PHF14: variants seen among roughly 807,000 people sequenced by gnomAD.
PHF14 encodes PHD finger protein 14.
Under a neutral mutation model 117.9 loss-of-function variants are expected in PHF14, and 55 were observed. That is an observed-to-expected ratio of 0.47 (90% confidence interval 0.38 to 0.58). PHF14 has a LOEUF of 0.58. PHF14 is among the 20% of genes least tolerant of loss of function. The pLI is 0.00. For synonymous variants in PHF14, 409 were observed against 368.6 expected, an observed-to-expected ratio of 1.11 and a Z score of -1.26; for missense variants, 978 against 1,122.2, an observed-to-expected ratio of 0.87 and a Z score of 1.84.
chr7:11,165,574 G>A (rs1341074423), intron 17 of PHF14, among the ~76,000 whole-genome samples: 1 of 152,100 alleles, frequency 6.6e-6, no homozygotes, highest in Non-Finnish European at 1.5e-5. Flanking sequence ...GGTAAACAAA[G>A]TTATCTGTAC....
At chr7:11,113,194 T>G (rs1194557500) in intron 17 of PHF14, among the ~76,000 whole-genome samples, 1 of 152,098 alleles carries the variant, frequency 6.6e-6, no homozygotes, top group Non-Finnish European at 1.5e-5. Flanking sequence ...TCAATAATAC[T>G]ATAAATATGT....
chr7:11,043,411 G>T (rs936402150), intron 13 of PHF14, among the ~76,000 whole-genome samples: 1 of 151,874 alleles, frequency 6.6e-6, no homozygotes, highest in African/African-American at 2.4e-5. Context: ...GATTTTAATA[G>T]AATGATTTCT....
intron 16 of PHF14, among the ~76,000 whole-genome samples, chr7:11,075,580 T>TG (rs1785812054): frequency 4.7e-5 from 7 of 148,804 alleles, no homozygotes; most frequent in African/African-American, 1.7e-4. Context: ...TTTTTTTTTT[T>TG]TTTTTTTTTT....
chr7:11,010,818 C>G (rs1380091573), intron 4 of PHF14, among the ~76,000 whole-genome samples: 2 of 151,976 alleles, frequency 1.3e-5, no homozygotes, highest in Admixed American at 1.3e-4. Flanking sequence ...CTTGGCTAAA[C>G]TCTTTTTTGT....
chr7:11,025,750 G>T (rs896665577), intron 6 of PHF14, among the ~76,000 whole-genome samples: 1 of 152,004 alleles, frequency 6.6e-6, no homozygotes, highest in African/African-American at 2.4e-5. Context: ...AGCCGAGATC[G>T]TGCCATTGCC....
At chr7:10,995,275 C>T (rs1358256709) in intron 4 of PHF14, among the ~76,000 whole-genome samples, 1 of 152,000 alleles carries the variant, frequency 6.6e-6, no homozygotes, top group Non-Finnish European at 1.5e-5. Context: ...AATCCCTTAG[C>T]TAGACATAAA....
At position 10,982,799 on chromosome 7, in the gene PHF14, A is replaced by C. The variant is rs562014939; in HGVS notation, c.540A>C (p.Pro180=). Residue 180 remains proline (P), a synonymous_variant, in exon 3 of 18, where the codon CCA becomes CCC. Coordinates refer to ENST00000634607, the MANE Select transcript of PHF14 (RefSeq NM_001007157.2). ...CTACAGAGGAACAAGTCAGCGAGCC[A>C]AAAAAATGGAACCTTCGACGAAACC... ...TTATEEQVSE[P]KKWNLRRNRP... 1 of 1,613,720 alleles carries C rather than the reference A, an allele frequency of 6.2e-7. No homozygotes were observed. The highest frequency in any genetic ancestry group is 8.5e-7 in the Non-Finnish European group (1 of 1,179,708).
intron 16 of PHF14, chr7:11,105,783 G>A: frequency 1.0e-6 from 1 of 984,286 alleles, no homozygotes; most frequent in Non-Finnish European, 1.2e-6. Context: ...TGCTGTTCAG[G>A]TACATAAGAT....
At chr7:11,029,825 T>G (rs1321725608) in intron 7 of PHF14, among the ~76,000 whole-genome samples, 1 of 152,138 alleles carries the variant, frequency 6.6e-6, no homozygotes, top group Non-Finnish European at 1.5e-5. Context: ...ATGATGGCTT[T>G]ATGGTAATAG....
intron 3 of PHF14, among the ~76,000 whole-genome samples, chr7:10,983,940 T>C (rs1562561078): frequency 6.6e-6 from 1 of 152,152 alleles, no homozygotes; most frequent in African/African-American, 2.4e-5. Flanking sequence ...TTGTGTCTCT[T>C]TGTCTGTGTG....
chr7:11,042,209 T>G (rs2128323933), intron 12 of PHF14, among the ~76,000 whole-genome samples: 1 of 152,110 alleles, frequency 6.6e-6, no homozygotes, highest in South Asian at 2.1e-4. Context: ...TATATCTACA[T>G]GTTGAAGACT....
chr7:11,165,068 G>T (rs537219451), intron 17 of PHF14, among the ~76,000 whole-genome samples: 1 of 152,242 alleles, frequency 6.6e-6, no homozygotes, highest in Admixed American at 6.5e-5. Flanking sequence ...GGGACTATAG[G>T]CGCCCGCCAC....
intron 16 of PHF14, 77 bp downstream of exon 16, chr7:11,062,162 A>G (rs1018292461): frequency 1.2e-4 from 143 of 1,236,592 alleles, no homozygotes; most frequent in Non-Finnish European, 1.5e-4. Flanking sequence ...AAAAATGAAA[A>G]AACAATTGCA....
rs570461490 is a variant in PHF14, at chr7:11,047,567, G to A, written c.2313-4045G>A. On this transcript the variant is annotated intron_variant, in intron 13 of 17. Coordinates refer to ENST00000634607, the MANE Select transcript of PHF14 (RefSeq NM_001007157.2). The stretch of plus-strand genomic sequence containing the variant: ...TCCCAGCACTTTGGGAGGCTGAGGC[G>A]GGCGGATCACTTGAGGTCAGGAGTT... 3.3e-5 allele frequency among the ~76,000 whole-genome samples: 5 copies of A among 150,390 alleles called. No individual in the cohort carries two copies. The East Asian group carries it at 1.0e-3, about 31-fold the overall frequency.
At chr7:11,113,528 T>A (rs916708010) in intron 17 of PHF14, among the ~76,000 whole-genome samples, 2 of 152,218 alleles carry the variant, frequency 1.3e-5, no homozygotes, top group African/African-American at 4.8e-5. Flanking sequence ...AATATTGGAA[T>A]GTCACAGCAG....
Position 11,130,094 on chromosome 7 carries a change from T to C in PHF14, c.2772+18627T>C, listed in dbSNP as rs35648039. On this transcript the variant is annotated intron_variant, in intron 17 of 17. Coordinates refer to ENST00000634607, the MANE Select transcript of PHF14 (RefSeq NM_001007157.2). This position sits in a 1 kb window ranked among gnomAD's most constrained non-coding sequence, Gnocchi z 4.2. Reference sequence around the variant, plus strand: ...GTACAGGTTGACAGAGCAGCTCTGCTCATTATAGTCACTTGGGGACCCGAG... The same window carrying C: ...GTACAGGTTGACAGAGCAGCTCTGCCCATTATAGTCACTTGGGGACCCGAG... Among the ~76,000 whole-genome samples the C allele has an allele frequency of 0.37, 54,925 of 150,376 alleles. 10,714 individuals carry two copies. Among genetic ancestry groups the C allele is most frequent in the East Asian group, 0.73 (3,787 of 5,164 alleles).
At chr7:10,985,617 T>C (rs1389239910) in intron 3 of PHF14, among the ~76,000 whole-genome samples, 1 of 144,844 alleles carries the variant, frequency 6.9e-6, no homozygotes, top group African/African-American at 2.5e-5. Flanking sequence ...TGAAATACTC[T>C]CTAGCAGTGA....
rs760974014 is a variant in PHF14, at chr7:11,038,781, C to T, written c.2002C>T (p.Leu668=). ...YNKLCESLEE[L]QNLNGKLRSE... The stretch of plus-strand genomic sequence containing the variant: ...GTAGCTATGTGAATCTTTAGAAGAA[C>T]TACAAAACCTGAATGGAAAACTTCG... The change falls in exon 11 of 18, where the codon CTA becomes TTA. Residue 668 remains leucine, a synonymous_variant. Transcript: ENST00000634607. The T allele has an allele frequency of 1.3e-6, 2 of 1,583,090 alleles. No homozygotes were observed. Among genetic ancestry groups the T allele is most frequent in the East Asian group, 4.6e-5 (2 of 43,798 alleles).
At chr7:11,054,171 C>T (rs1046234027) in intron 14 of PHF14, among the ~76,000 whole-genome samples, 2 of 151,612 alleles carry the variant, frequency 1.3e-5, no homozygotes, top group Non-Finnish European at 1.5e-5. Context: ...AATGATGCTC[C>T]GGAGACCATG....
Sources: gnomAD v4.1 joint callset for allele counts (sites outside exome capture counted in the v4.1 genomes callset) on GRCh38, gnomAD v4.1.1 for gene constraint, Gnocchi (gnomAD v3.1) non-coding constraint, MANE v1.5 for transcripts, NCBI Gene and HGNC (gene_info 2026-07-23, HGNC 2026-07-21) for gene names.